Variants in SVEP1 observed in about 807,000 individuals in gnomAD.
The protein encoded by SVEP1 is sushi, von Willebrand factor type A, EGF and pentraxin domain containing 1, also known as sushi, von Willebrand factor type A, EGF and pentraxin domain-containing protein 1.
Under a neutral mutation model 367.3 loss-of-function variants are expected in SVEP1, and 164 were observed. That is an observed-to-expected ratio of 0.45 (90% CI 0.39 to 0.51). The LOEUF is 0.51. SVEP1 is among the 20% of genes least tolerant of loss of function. The pLI is 0.00. For missense variants in SVEP1, 4,117 were observed against 4,425.3 expected (o/e 0.93, Z 1.98); for synonymous variants, 1,666 against 1,611.6 (o/e 1.03, Z -0.81).
chr9:110,494,122 C>A (rs536812798), intron 8 of SVEP1, among the ~76,000 whole-genome samples: 1 of 152,346 alleles, frequency 6.6e-6, no homozygotes, highest in East Asian at 1.9e-4. Flanking sequence ...ACAGTCCTTA[C>A]TTTCATCACA....
At chr9:110,387,619 C>T (rs1827545485) in intron 41 of SVEP1, among the ~76,000 whole-genome samples, 161 bp from the exon 42 acceptor site, 1 of 152,092 alleles carries the variant, frequency 6.6e-6, no homozygotes, top group Non-Finnish European at 1.5e-5. Context: ...ATATAGCATA[C>T]CTAAGTATTG....
chr9:110,386,676 T>C (rs1406435099), intron 42 of SVEP1, among the ~76,000 whole-genome samples: 1 of 152,228 alleles, frequency 6.6e-6, no homozygotes, highest in Non-Finnish European at 1.5e-5. Context: ...GATGGCATTA[T>C]GCGTGCTTAG....
intron 1 of SVEP1, among the ~76,000 whole-genome samples, chr9:110,559,131 T>C (rs1830392262): frequency 6.6e-6 from 1 of 151,976 alleles, no homozygotes; most frequent in South Asian, 2.1e-4. Flanking sequence ...CCCAAGTAGG[T>C]AAGAAATAAA....
intron 22 of SVEP1, among the ~76,000 whole-genome samples, chr9:110,452,220 CTT>C (rs1828704765): frequency 6.6e-6 from 1 of 152,146 alleles, no homozygotes; most frequent in Non-Finnish European, 1.5e-5. Context: ...ATTATGAACA[CTT>C]GTTTTTTCAC....
chr9:110,447,924 C>T (rs1057281147), intron 24 of SVEP1, among the ~76,000 whole-genome samples: 1 of 151,614 alleles, frequency 6.6e-6, no homozygotes, highest in African/African-American at 2.4e-5. Flanking sequence ...CCAAATGTAA[C>T]CTCCTTGATA....
chr9:110,514,529 A>G (rs1829776046), intron 3 of SVEP1, among the ~76,000 whole-genome samples: 1 of 147,024 alleles, frequency 6.8e-6, no homozygotes, highest in African/African-American at 2.5e-5. Context: ...AAAAAAAAAA[A>G]GAAAGAAAGA....
chr9:110,442,181 A>T (rs1588055150), intron 27 of SVEP1, among the ~76,000 whole-genome samples: 1 of 152,196 alleles, frequency 6.6e-6, no homozygotes, highest in African/African-American at 2.4e-5. Context: ...GTTCCTTTCC[A>T]CCATAGTGCT....
chr9:110,579,535 A>G lies in SVEP1; in HGVS notation c.9T>C (p.Pro3=). The G allele has an allele frequency of 6.3e-7, 1 of 1,598,926 alleles. No homozygotes were observed. Among genetic ancestry groups the G allele is most frequent in the African/African-American group, 1.3e-5 (1 of 74,106 alleles). Residue 3 remains proline, a synonymous_variant, in exon 1 of 48, where the codon CCT becomes CCC. Transcript: ENST00000374469. This position sits in a 1 kb window ranked among gnomAD's most constrained non-coding sequence, Gnocchi z 5.3. ...GACCCCAGCAACAAAAGGCCAGGCG[A>G]GGCCACATCGCGCTGGAGACAGAGC... The part of the protein sequence containing the change: MW[P]RLAFCCWGLA...
intron 22 of SVEP1, among the ~76,000 whole-genome samples, chr9:110,454,000 T>C (rs968792101): frequency 6.6e-6 from 1 of 152,160 alleles, no homozygotes; most frequent in Non-Finnish European, 1.5e-5. Flanking sequence ...TGGTTGCTTA[T>C]GTGTCTTCTT....
At chr9:110,504,340 G>A (rs376679708) in intron 5 of SVEP1, among the ~76,000 whole-genome samples, 8 of 152,158 alleles carry the variant, frequency 5.3e-5, no homozygotes, top group Middle Eastern at 3.4e-3. Flanking sequence ...GATTACAGGC[G>A]TGAGCCACCG....
At position 110,445,875 on chromosome 9, in the gene SVEP1, G is replaced by A. The variant is rs140985683; in HGVS notation, c.4425C>T (p.Asn1475=). The A allele has an allele frequency of 1.9e-4, 301 of 1,613,884 alleles. 2 individuals carry two copies. The East Asian group carries it at 3.4e-3, about 18-fold the overall frequency. Residue 1475 remains asparagine (N), a synonymous_variant, in exon 26 of 48, where the codon AAC becomes AAT. Coordinates refer to ENST00000374469, the MANE Select transcript of SVEP1 (RefSeq NM_153366.4). Reference sequence around the variant, plus strand: ...TCAGGAGCAAGGTATTGTCGCTGCCGTTATCAACTGCATAGGAGATTGGTG... The same window carrying A: ...TCAGGAGCAAGGTATTGTCGCTGCCATTATCAACTGCATAGGAGATTGGTG... The part of the protein sequence containing the change: ...YGTPISYAVD[N]GSDNTLLLTD...
Position 110,445,975 on chromosome 9 carries a change from T to C in SVEP1, c.4325A>G (p.Asp1442Gly), listed in dbSNP as rs1273577698. The C allele has an allele frequency of 4.3e-6, 7 of 1,613,720 alleles. No individual in the cohort carries two copies. Among genetic ancestry groups the C allele is most frequent in the Non-Finnish European group, 5.1e-6 (6 of 1,179,824 alleles). Reference protein sequence around the residue: ...VSGIYGYVMLDGMLPSLHALT... With the variant: ...VSGIYGYVMLGGMLPSLHALT... Reference sequence around the variant, plus strand: ...AGCATGGAGAGATGGGAGCATGCCATCTAGCATGACATATCCATAGATGCC... The same window carrying C: ...AGCATGGAGAGATGGGAGCATGCCACCTAGCATGACATATCCATAGATGCC... The change falls in exon 26 of 48, where the codon GAT (aspartate) becomes GGT (glycine). Residue 1442 changes from aspartate (D) to glycine (G), a missense_variant. Physicochemically the swap from Asp to Gly is moderately conservative, Grantham distance 94 (BLOSUM62 -1). Coordinates refer to ENST00000374469, the MANE Select transcript of SVEP1 (RefSeq NM_153366.4).
chr9:110,423,652 TGATA>T (rs2049193443), intron 36 of SVEP1, among the ~76,000 whole-genome samples: 1 of 152,018 alleles, frequency 6.6e-6, no homozygotes, highest in African/African-American at 2.4e-5. Context: ...AGGAAACAAC[TGATA>T]AATATGGGTA....
chr9:110,487,013 A>G (rs1013424789), intron 9 of SVEP1, among the ~76,000 whole-genome samples: 1 of 151,580 alleles, frequency 6.6e-6, no homozygotes, highest in African/African-American at 2.4e-5. Flanking sequence ...CTGGAGTGCA[A>G]TGGTGCGATC....
chr9:110,517,291 C>G (rs1227415682), intron 3 of SVEP1, among the ~76,000 whole-genome samples: 2 of 151,916 alleles, frequency 1.3e-5, no homozygotes, highest in Non-Finnish European at 1.5e-5. Context: ...CTACACCCAT[C>G]TCTTAAAAAT....
intron 43 of SVEP1, among the ~76,000 whole-genome samples, chr9:110,381,167 T>C (rs1195912162): frequency 2.0e-5 from 3 of 152,152 alleles, no homozygotes; most frequent in Non-Finnish European, 2.9e-5. Context: ...CCTTGATTAA[T>C]TGATTGTTTT....
chr9:110,482,003 A>G (rs1829198682), intron 11 of SVEP1, among the ~76,000 whole-genome samples: 1 of 152,198 alleles, frequency 6.6e-6, no homozygotes, highest in South Asian at 2.1e-4. Flanking sequence ...GTGAGTCACC[A>G]TGCCCTGCCC....
chr9:110,416,514 A>T (rs967586059), intron 36 of SVEP1, among the ~76,000 whole-genome samples: 1 of 152,026 alleles, frequency 6.6e-6, no homozygotes, highest in Non-Finnish European at 1.5e-5. Flanking sequence ...TAACATGAAA[A>T]ATAGAATGAA....
chr9:110,428,427 C>CACACACACACA (rs1554714275), intron 35 of SVEP1, among the ~76,000 whole-genome samples: 2 of 98,028 alleles, frequency 2.0e-5, no homozygotes, highest in African/African-American at 8.4e-5. Flanking sequence ...CACACACACA[C>CACACACACACA]ACCATTAATC....
Sources: allele counts gnomAD v4.1 joint callset (sites outside exome capture counted in the v4.1 genomes callset), GRCh38; gene constraint gnomAD v4.1.1; non-coding constraint Gnocchi (gnomAD v3.1); transcripts MANE v1.5; gene names NCBI Gene and HGNC (gene_info 2026-07-23, HGNC 2026-07-21).